SPRR1A: variants seen among roughly 807,000 people sequenced by gnomAD.
SPRR1A encodes the protein cornifin-A.
For missense variants in SPRR1A, 123 were observed against 105.4 expected, an observed-to-expected ratio of 1.17 and a Z score of -0.73; for synonymous variants, 40 against 39.2, an observed-to-expected ratio of 1.02 and a Z score of -0.07.
chr1:152,984,523 T>C (rs1041896654), upstream of SPRR1A, among the ~76,000 whole-genome samples: 2 of 152,162 alleles, frequency 1.3e-5, no homozygotes, highest in African/African-American at 4.8e-5. Context: ...CTAGGCACTT[T>C]GGACAAATCA....
At chr1:152,985,661 C>T (rs994150051), downstream of SPRR1A, among the ~76,000 whole-genome samples, 5 of 152,174 alleles carry the variant, frequency 3.3e-5, no homozygotes, top group Admixed American at 6.5e-5. Context: ...GTCCCTTACC[C>T]TCATTCTGGA....
At chr1:152,985,052 T>C (rs979034906), upstream of SPRR1A, among the ~76,000 whole-genome samples, 1 of 152,140 alleles carries the variant, frequency 6.6e-6, no homozygotes, top group Non-Finnish European at 1.5e-5. Context: ...TCAAAGGGCC[T>C]GAAAATTATC....
At chr1:152,985,424 G>T (rs544987331) in exon 1 of SPRR1A, 2 of 1,582,020 alleles carry the variant, frequency 1.3e-6, no homozygotes, top group Non-Finnish European at 1.7e-6. Flanking sequence ...CCAGAGCCCT[G>T]CCAGCCCAAG....
At chr1:152,985,523 G>A (rs1258208134), downstream of SPRR1A, 1 of 1,599,076 alleles carries the variant, frequency 6.3e-7, no homozygotes, top group South Asian at 1.1e-5. Context: ...CCATGCCCTT[G>A]AGGAGCTGGC....
At chr1:152,984,779 A>C (rs549004705), upstream of SPRR1A, among the ~76,000 whole-genome samples, 4 of 152,212 alleles carry the variant, frequency 2.6e-5, no homozygotes, top group East Asian at 5.8e-4. Context: ...CTGTGTAAGC[A>C]CAGACCAGAA....
chr1:152,985,583 C>T, downstream of SPRR1A: 1 of 1,528,354 alleles, frequency 6.5e-7, no homozygotes, highest in Non-Finnish European at 8.8e-7. Flanking sequence ...TCCCATTTGC[C>T]TATTGACCCT....
At chr1:152,985,255 C>T in exon 1 of SPRR1A, 2 of 1,613,046 alleles carry the variant, frequency 1.2e-6, no homozygotes, top group Non-Finnish European at 1.7e-6. Context: ...GCAGAAGCAG[C>T]CTTGCACCCC....
At chr1:152,985,024 C>T (rs753377399), upstream of SPRR1A, among the ~76,000 whole-genome samples, 1 of 152,042 alleles carries the variant, frequency 6.6e-6, no homozygotes, top group Non-Finnish European at 1.5e-5. Flanking sequence ...GAAGAAATTG[C>T]CTTTTAGCTC....
downstream of SPRR1A, chr1:152,985,581 GC>G: frequency 6.5e-7 from 1 of 1,530,156 alleles, no homozygotes; most frequent in South Asian, 1.3e-5. Flanking sequence ...AATCCCATTT[GC>G]CTATTGACCC....
rs750151507 is a variant in SPRR1A, at chr1:152,985,299, A to T, written c.69A>T (p.Gln23His). ...AGCCTCAGCAGCAGCAGGTGAAACAACCTTGCCAGCCTCCACCCCAGGAAC... is the reference window on the plus strand; with the variant it reads ...AGCCTCAGCAGCAGCAGGTGAAACATCCTTGCCAGCCTCCACCCCAGGAAC... The change falls in exon 1 of 1, where the codon CAA becomes CAT. Residue 23 changes from glutamine (Q) to histidine (H), a missense_variant. By Grantham distance (24) the Gln-to-His change is conservative. Coordinates refer to ENST00000368762, the Ensembl canonical transcript of SPRR1A. The T allele has an allele frequency of 1.9e-6, 3 of 1,613,626 alleles. No individual in the cohort carries two copies. The African/African-American group carries it at 4.0e-5, about 22-fold the overall frequency.
chr1:152,984,697 G>T (rs1570948254), upstream of SPRR1A, among the ~76,000 whole-genome samples: 1 of 152,204 alleles, frequency 6.6e-6, no homozygotes, highest in East Asian at 1.9e-4. Flanking sequence ...TCCTAGGGGT[G>T]TCAAGTGATG....
At chr1:152,985,114 C>A, upstream of SPRR1A, 6 of 1,402,982 alleles carry the variant, frequency 4.3e-6, no homozygotes, top group Non-Finnish European at 5.8e-6. Flanking sequence ...AGATGAAAGG[C>A]TTTCTCTTCT....
exon 1 of SPRR1A, chr1:152,985,269 C>T: frequency 1.9e-6 from 3 of 1,613,674 alleles, no homozygotes; most frequent in Non-Finnish European, 2.5e-6. Context: ...GCACCCCACC[C>T]CCTCAGCCTC....
chr1:152,985,448 G>T (rs761591061), exon 1 of SPRR1A: 1 of 1,613,780 alleles, frequency 6.2e-7, no homozygotes, highest in African/African-American at 1.3e-5. Context: ...CCTGAGCCCT[G>T]CCCTTCAACG....
upstream of SPRR1A, chr1:152,985,131 T>A (rs992093510): frequency 2.1e-5 from 31 of 1,474,810 alleles, no homozygotes; most frequent in East Asian, 7.1e-4. Flanking sequence ...TTCTAAAGGG[T>A]CCTGAAATAA....
chr1:152,985,150 T>G (rs1252758113), upstream of SPRR1A: 1 of 1,519,178 alleles, frequency 6.6e-7, no homozygotes. Context: ...AAAATCTGTT[T>G]GGCATTGAAT....
upstream of SPRR1A, chr1:152,985,207 T>G: frequency 6.4e-7 from 1 of 1,572,300 alleles, no homozygotes; most frequent in Non-Finnish European, 8.6e-7. Flanking sequence ...GCTTTCTGTC[T>G]CTAGAAAAAA....
chr1:152,985,111 A>G, upstream of SPRR1A: 3 of 1,383,426 alleles, frequency 2.2e-6, no homozygotes, highest in South Asian at 2.9e-5. Context: ...GGGAGATGAA[A>G]GGCTTTCTCT....
chr1:152,985,024 C>G (rs753377399), upstream of SPRR1A, among the ~76,000 whole-genome samples: 1 of 152,042 alleles, frequency 6.6e-6, no homozygotes, highest in Non-Finnish European at 1.5e-5. Context: ...GAAGAAATTG[C>G]CTTTTAGCTC....
Sources: allele counts gnomAD v4.1 joint callset (sites outside exome capture counted in the v4.1 genomes callset), GRCh38; gene constraint gnomAD v4.1.1; transcripts MANE v1.5; gene names NCBI Gene and HGNC (gene_info 2026-07-23, HGNC 2026-07-21).